CAPRIN2: variants seen among roughly 807,000 people sequenced by gnomAD.
The protein encoded by CAPRIN2 is caprin family member 2, also known as caprin-2.
Under a neutral mutation model 130.4 loss-of-function variants are expected in CAPRIN2, and 66 were observed. That is an observed-to-expected ratio of 0.51 (90% confidence interval 0.42 to 0.62). The LOEUF (loss-of-function observed/expected upper bound fraction) is 0.62. Among genes scored for constraint, CAPRIN2 ranks in the 20% least tolerant of loss-of-function variants. The probability of loss-of-function intolerance (pLI) is 0.00; values close to 1 mark genes in which losing one functional copy is unlikely to be tolerated. For synonymous variants in CAPRIN2, 471 were observed against 444.1 expected, an observed-to-expected ratio of 1.06 and a Z score of -0.76; for missense variants, 1,185 against 1,246.6, an observed-to-expected ratio of 0.95 and a Z score of 0.74.
At chr12:30,735,177 T>G in exon 4 of CAPRIN2, 1 of 1,614,146 alleles carries the variant, frequency 6.2e-7, no homozygotes, top group Non-Finnish European at 8.5e-7. Context: ...TGTGCTCCCT[T>G]CTCTGGGCCT....
At chr12:30,728,729 T>C (rs1433663046) in exon 8 of CAPRIN2, 1 of 1,614,048 alleles carries the variant, frequency 6.2e-7, no homozygotes, top group Non-Finnish European at 8.5e-7. Flanking sequence ...CCCAGGACTT[T>C]GGAGAAATCT....
chr12:30,736,460 G>C (rs1277603242), intron 3 of CAPRIN2, among the ~76,000 whole-genome samples: 3 of 150,470 alleles, frequency 2.0e-5, no homozygotes, highest in Admixed American at 6.6e-5. Context: ...ATATAGCATC[G>C]ATATTTTAAA....
chr12:30,740,646 T>C lies in CAPRIN2; in HGVS notation c.570+374A>G, dbSNP rs1421561756. On this transcript the variant is annotated intron_variant, in intron 3 of 16. Coordinates refer to ENST00000298892, the Ensembl canonical transcript of CAPRIN2. ...CTGTTGTCTCATATGTTAAATAATG[T>C]GAAAGAAGCCTATCTTATATAAATT... Among the ~76,000 whole-genome samples, 3 of 152,342 alleles carry C rather than the reference T, an allele frequency of 2.0e-5. No homozygotes were observed. The South Asian group carries it at 6.2e-4, about 32-fold the overall frequency.
exon 14 of CAPRIN2, chr12:30,714,991 G>C: frequency 6.2e-7 from 1 of 1,613,928 alleles, no homozygotes; most frequent in Admixed American, 1.7e-5. Flanking sequence ...ATAGGAATTG[G>C]TTATTAATCT....
intron 3 of CAPRIN2, 76 bp from the exon 5 acceptor site, chr12:30,735,282 A>G: frequency 9.4e-7 from 1 of 1,063,562 alleles, no homozygotes; most frequent in Non-Finnish European, 1.5e-6. Context: ...TACAAAGTCT[A>G]AACCCAAATA....
At chr12:30,732,341 T>C (rs554908106) in intron 5 of CAPRIN2, among the ~76,000 whole-genome samples, 89 of 152,170 alleles carry the variant, frequency 5.8e-4, no homozygotes, top group African/African-American at 2.1e-3. Flanking sequence ...TACTATGACA[T>C]AGATTTTGAG....
intron 7 of CAPRIN2, 79 bp from the exon 9 acceptor site, chr12:30,729,404 C>T (rs924760477): frequency 1.1e-5 from 11 of 979,188 alleles, no homozygotes; most frequent in South Asian, 5.1e-5. Flanking sequence ...ATTAGTATTG[C>T]TATGTCCTCT....
In CAPRIN2 at chr12:30,753,327, G is replaced by A. The variant is rs768394349; in HGVS notation, c.420+17C>T. 2 of 1,590,698 alleles carry A rather than the reference G, an allele frequency of 1.3e-6. No individual in the cohort carries two copies. The highest frequency in any genetic ancestry group is 1.1e-5 in the South Asian group (1 of 88,730). On this transcript the variant is annotated intron_variant, in intron 1 of 16. Coordinates refer to ENST00000298892, the Ensembl canonical transcript of CAPRIN2. ...TTTAAGATCATGCATCTACAGGACT[G>A]GAAGAAAAAAAGTTACCTTCTTTTT...
chr12:30,753,454 G>T, exon 1 of CAPRIN2: 2 of 1,614,132 alleles, frequency 1.2e-6, no homozygotes, highest in Non-Finnish European at 8.5e-7. Context: ...GTAGACTGCA[G>T]GGGGCTCAAG....
intron 16 of CAPRIN2, among the ~76,000 whole-genome samples, chr12:30,711,328 T>C (rs1054570055): frequency 6.6e-6 from 1 of 152,218 alleles, no homozygotes; most frequent in African/African-American, 2.4e-5. Context: ...TATGCTCTAG[T>C]GTCAAGCAGA....
At chr12:30,729,892 G>C (rs1368882505) in intron 7 of CAPRIN2, among the ~76,000 whole-genome samples, 4 of 152,174 alleles carry the variant, frequency 2.6e-5, no homozygotes, top group East Asian at 1.9e-4. Flanking sequence ...ATTCTGGAGA[G>C]AGCAAAGTCC....
chr12:30,719,846 G>T (rs1460230046), intron 12 of CAPRIN2: 1 of 152,106 alleles, frequency 6.6e-6, no homozygotes, highest in Non-Finnish European at 1.5e-5. Flanking sequence ...TTAAAATGAG[G>T]AATGAGATAA....
At chr12:30,743,064 A>C (rs990553721) in intron 2 of CAPRIN2, among the ~76,000 whole-genome samples, 1 of 151,892 alleles carries the variant, frequency 6.6e-6, no homozygotes, top group Non-Finnish European at 1.5e-5. Flanking sequence ...TCCATCATCT[A>C]ATGTAGACCT....
In CAPRIN2 at chr12:30,710,336, T is replaced by G; in HGVS notation, c.2800A>C (p.Ile934Leu). Residue 934 changes from isoleucine to leucine, a missense_variant, in exon 17 of 17, where the codon ATA (isoleucine) becomes CTA (leucine). Transcript: ENST00000298892. This position sits in a 1 kb window ranked among gnomAD's most constrained non-coding sequence, Gnocchi z 4.8. Reference sequence around the variant, plus strand: ...AGAGGGTAGACGTGTACTGGCAGTATGGTGGCTGCTGGATTTGTCACTGGC... The same window carrying G: ...AGAGGGTAGACGTGTACTGGCAGTAGGGTGGCTGCTGGATTTGTCACTGGC... The G allele has an allele frequency of 6.2e-7, 1 of 1,614,170 alleles. No homozygotes were observed. The highest frequency in any genetic ancestry group is 8.5e-7 in the Non-Finnish European group (1 of 1,180,038).
chr12:30,718,557 A>T (rs182667587), intron 12 of CAPRIN2, among the ~76,000 whole-genome samples: 136 of 152,314 alleles, frequency 8.9e-4, no homozygotes, highest in African/African-American at 3.2e-3. Flanking sequence ...TTATTTTTTT[A>T]AAAAGCCTTA....
At chr12:30,720,075 A>G (rs1423392087) in intron 12 of CAPRIN2, 1 of 151,972 alleles carries the variant, frequency 6.6e-6, no homozygotes, top group East Asian at 1.9e-4. Flanking sequence ...CAAACATAAT[A>G]CTGTTAAAAT....
chr12:30,739,933 AT>A (rs2066644123), intron 3 of CAPRIN2, among the ~76,000 whole-genome samples: 1 of 152,226 alleles, frequency 6.6e-6, no homozygotes, highest in African/African-American at 2.4e-5. Context: ...GAAAAACTAA[AT>A]TGTTACTGGG....
rs117488869 is a variant in CAPRIN2, at chr12:30,746,342, T to C, written c.483+4729A>G. Among the ~76,000 whole-genome samples, 551 of 152,270 alleles carry C rather than the reference T, an allele frequency of 3.6e-3. 4 individuals carry two copies. Among genetic ancestry groups the C allele is most frequent in the East Asian group, 0.012 (62 of 5,176 alleles). ...AAGAGTTCAAGGCTACAGTGAGCTA[T>C]GATATTGTGCTATTGCACTCCAGCC... On this transcript the variant is annotated intron_variant, in intron 2 of 16. Transcript: ENST00000298892.
At chr12:30,721,461 T>C (rs951165174) in intron 11 of CAPRIN2, among the ~76,000 whole-genome samples, 1 of 152,138 alleles carries the variant, frequency 6.6e-6, no homozygotes, top group Non-Finnish European at 1.5e-5. Flanking sequence ...CCAAAAATTC[T>C]AGTGAAAAAT....
Sources: allele counts gnomAD v4.1 joint callset (sites outside exome capture counted in the v4.1 genomes callset), GRCh38; gene constraint gnomAD v4.1.1; non-coding constraint Gnocchi (gnomAD v3.1); transcripts MANE v1.5; gene names NCBI Gene and HGNC (gene_info 2026-07-23, HGNC 2026-07-21).